The following ZNF43 variants were observed in gnomAD, a reference collection of about 807,000 sequenced individuals.
ZNF43 encodes zinc finger protein 39-like 1 (KOX 27).
A neutral mutation model predicts 68.4 loss-of-function variants in ZNF43; 44 were observed. That is an observed-to-expected ratio of 0.64 (90% CI 0.51 to 0.83). The LOEUF is 0.83. Among genes scored for constraint, ZNF43 ranks in the 40% least tolerant of loss-of-function variants. The pLI, the probability that ZNF43 is intolerant of heterozygous loss-of-function variation, is 0.00. For missense variants in ZNF43, 896 were observed against 933.2 expected (o/e 0.96, Z 0.52); for synonymous variants, 308 against 307.8 (o/e 1.00, Z -0.01).
rs1364112721 is a variant in ZNF43 at position 21,807,548 on chromosome 19, C to A, written c.*59G>T. 4.3e-6 allele frequency: 6 copies of A among 1,410,982 alleles called. No homozygotes were observed. The highest frequency in any genetic ancestry group is 1.4e-5 in the African/African-American group (1 of 69,560). 87.4% of individuals were successfully genotyped at this position (1,410,982 alleles called of 1,614,324 possible). A position where few individuals can be genotyped will look rare whatever the true frequency, so the allele number is the denominator to read the frequency against. The stretch of plus-strand genomic sequence containing the variant: ...TTATCTTACCTACAATCAAGTGTGA[C>A]AACCATGTAAAGCCTTTATCACATT... On this transcript the variant is annotated 3_prime_UTR_variant, in exon 4 of 4. Transcript: ENST00000354959.
In ZNF43 at chr19:21,809,153, A is replaced by T; in HGVS notation, c.884T>A (p.Phe295Tyr). The change falls in exon 4 of 4, where the codon TTT becomes TAT. Residue 295 changes from phenylalanine to tyrosine, a missense_variant. Coordinates refer to ENST00000354959, the MANE Select transcript of ZNF43 (RefSeq NM_003423.4). ...FYKCKECAKAFNQSSNLTEHK... is the reference protein window; with the variant it reads ...FYKCKECAKAYNQSSNLTEHK... ...TTCAGTAAGGTTTGAGGATTGGTTA[A>T]AAGCTTTGGCACATTCTTTACATTT... 6.2e-7 allele frequency: 1 copy of T among 1,613,596 alleles called. No homozygotes were observed.
chr19:21,807,781 A>T lies in ZNF43; in HGVS notation c.2256T>A (p.His752Gln). Reference protein sequence around the residue: ...AFNYSSHLNTHKRIHTKEQPY... With the variant: ...AFNYSSHLNTQKRIHTKEQPY... ...GTTGCTCTTTAGTATGAATTCTCTTATGTGTATTAAGGTGTGAGGAATAGT... is the reference window on the plus strand; with the variant it reads ...GTTGCTCTTTAGTATGAATTCTCTTTTGTGTATTAAGGTGTGAGGAATAGT... The change falls in exon 4 of 4, where the codon CAT becomes CAA. Residue 752 changes from histidine to glutamine, a missense_variant. His to Gln is a conservative substitution (Grantham distance 24, BLOSUM62 0). Transcript: ENST00000354959. The T allele has an allele frequency of 6.2e-7, 1 of 1,613,318 alleles. No individual in the cohort carries two copies. The highest frequency in any genetic ancestry group is 8.5e-7 in the Non-Finnish European group (1 of 1,179,652).
intron 3 of ZNF43, among the ~76,000 whole-genome samples, chr19:21,815,486 C>CATATATATATATATAT (rs58951070): frequency 5.8e-4 from 81 of 139,546 alleles, no homozygotes; most frequent in East Asian, 2.8e-3. Context: ...AACTAAATTA[C>CATATATATATATATAT]ATATATATAT....
At chr19:21,848,595 A>G (rs955768202) in intron 1 of ZNF43, among the ~76,000 whole-genome samples, 3 of 152,194 alleles carry the variant, frequency 2.0e-5, no homozygotes, top group South Asian at 4.1e-4. Context: ...GAGGAGAGTC[A>G]TATCACCTAG....
chr19:21,841,506 C>T (rs772036032), intron 1 of ZNF43: 4 of 152,238 alleles, frequency 2.6e-5, no homozygotes, highest in Non-Finnish European at 2.9e-5. Context: ...AGAAACACAG[C>T]ACCTGGTTGC....
At chr19:21,851,864 C>T (rs1032538188) in intron 1 of ZNF43, 14 of 1,548,154 alleles carry the variant, frequency 9.0e-6, no homozygotes, top group African/African-American at 1.4e-5. Flanking sequence ...ACTTTCACAG[C>T]CTGCTCTCCC....
At chr19:21,843,309 T>C (rs1045901543) in intron 1 of ZNF43, 2 of 934,692 alleles carry the variant, frequency 2.1e-6, no homozygotes, top group Non-Finnish European at 2.6e-6. Flanking sequence ...TGAGCAGAGG[T>C]ATGTGTCACA....
chr19:21,832,422 T>A (rs895211068), intron 1 of ZNF43, among the ~76,000 whole-genome samples: 8 of 152,134 alleles, frequency 5.3e-5, no homozygotes, highest in African/African-American at 7.2e-5. Flanking sequence ...AAATTATTTT[T>A]AAAAAAACTT....
chr19:21,817,980 G>T lies in ZNF43; in HGVS notation c.137C>A (p.Ala46Asp). The T allele has an allele frequency of 7.4e-6, 12 of 1,611,658 alleles. No homozygotes were observed. Among genetic ancestry groups the T allele is most frequent in the Non-Finnish European group, 1.0e-5 (12 of 1,178,830 alleles). The change falls in exon 3 of 4, where the codon GCT (alanine) becomes GAT (aspartate). Residue 46 changes from alanine to aspartate, a missense_variant. By Grantham distance (126) the Ala-to-Asp change is moderately radical. Transcript: ENST00000354959. ...NYRNLVFLGI[A>D]VSKPDLITCL... is the part of the protein sequence containing the mutation. ...GGTGATCAGGTCTGGCTTAGAGACAGCAATACCTGTTTCAATAAAAAATAA... is the reference window on the plus strand; with the variant it reads ...GGTGATCAGGTCTGGCTTAGAGACATCAATACCTGTTTCAATAAAAAATAA...
upstream of ZNF43, among the ~76,000 whole-genome samples, chr19:21,839,309 C>T (rs1967336525): frequency 1.4e-5 from 1 of 70,272 alleles, no homozygotes; most frequent in South Asian, 4.7e-4. Context: ...TATCACAATA[C>T]AAAATGTATG....
intron 1 of ZNF43, among the ~76,000 whole-genome samples, chr19:21,831,698 G>A (rs764800012): frequency 3.9e-5 from 6 of 152,026 alleles, no homozygotes; most frequent in Non-Finnish European, 8.8e-5. Context: ...CTTCAGCAAA[G>A]TTTTAGAATA....
chr19:21,809,568 T>A lies in ZNF43; in HGVS notation c.469A>T (p.Lys157Ter). The A allele has an allele frequency of 6.2e-7, 1 of 1,611,700 alleles. No individual in the cohort carries two copies. Among genetic ancestry groups the A allele is most frequent in the Non-Finnish European group, 8.5e-7 (1 of 1,179,128 alleles). The change falls in exon 4 of 4, where the codon AAA becomes TAA. Residue 157 changes from lysine (K) to a stop codon, truncating the protein, a stop_gained. Coordinates refer to ENST00000354959, the MANE Select transcript of ZNF43 (RefSeq NM_003423.4). LOFTEE classifies it high-confidence loss of function. ...LFDKCVKAFH[K>*]FSNSNRHKIS... ...TTATGTCTGTTTGAATTTGAAAATT[T>A]ATGAAAGGCTTTCACACATTTATCA... is the stretch of plus-strand genomic sequence containing the variant.
chr19:21,836,056 G>T lies in ZNF43; in HGVS notation c.-18C>A, dbSNP rs756220083. ...CTCACCATTTCTAGGCTTCCGGGGG[G>T]TCCTGGCGTCTTAGCTGTGGATCCC... On this transcript the variant is annotated 5_prime_UTR_variant, in exon 1 of 4. Transcript: ENST00000354959. The T allele has an allele frequency of 6.2e-7, 1 of 1,613,958 alleles. No individual in the cohort carries two copies.
Position 21,808,966 on chromosome 19 carries a change from A to C in ZNF43, c.1071T>G (p.Leu357=), listed in dbSNP as rs2037129472. The change falls in exon 4 of 4, where the codon CTT becomes CTG. Residue 357 remains leucine, a synonymous_variant. Coordinates refer to ENST00000354959, the MANE Select transcript of ZNF43 (RefSeq NM_003423.4). Reference sequence around the variant, plus strand: ...CAGTATGGATTCTCTTATGTGTAGTAAGGTTTGAGAACTGGTTAAAGGCTT... The same window carrying C: ...CAGTATGGATTCTCTTATGTGTAGTCAGGTTTGAGAACTGGTTAAAGGCTT... ...CGKAFNQFSN[L]TTHKRIHTAE... The C allele has an allele frequency of 6.2e-7, 1 of 1,613,512 alleles. No individual in the cohort carries two copies. The highest frequency in any genetic ancestry group is 1.7e-5 in the Admixed American group (1 of 59,936).
At chr19:21,817,747 G>T in intron 3 of ZNF43, 141 bp downstream of exon 3, 1 of 844,062 alleles carries the variant, frequency 1.2e-6, no homozygotes, top group Non-Finnish European at 1.9e-6. Context: ...TTGTGTGAAA[G>T]CAAAATGAAA....
upstream of ZNF43, among the ~76,000 whole-genome samples, chr19:21,838,412 T>A (rs972141228): frequency 6.6e-6 from 1 of 151,896 alleles, no homozygotes; most frequent in Non-Finnish European, 1.5e-5. Flanking sequence ...TTTTTTTTTT[T>A]TTTTGGAGAT....
chr19:21,820,397 G>C (rs2037763313), intron 1 of ZNF43, among the ~76,000 whole-genome samples: 1 of 151,010 alleles, frequency 6.6e-6, no homozygotes, highest in Non-Finnish European at 1.5e-5. Context: ...GGCCAAGATG[G>C]TGAAACCCCG....
At chr19:21,840,179 G>T (rs1281046429), upstream of ZNF43, 1 of 152,188 alleles carries the variant, frequency 6.6e-6, no homozygotes, top group Non-Finnish European at 1.5e-5. Context: ...AGGGTGTGGG[G>T]TCCAGTGATA....
rs2038721123 is a variant in ZNF43, at chr19:21,836,145, C to T, written c.-107G>A. 1 of 1,585,206 alleles carries T rather than the reference C, an allele frequency of 6.3e-7. No homozygotes were observed. The highest frequency in any genetic ancestry group is 1.1e-5 in the South Asian group (1 of 88,048). On this transcript the variant is annotated 5_prime_UTR_variant, in exon 1 of 4. Coordinates refer to ENST00000354959, the MANE Select transcript of ZNF43 (RefSeq NM_003423.4). ...TCTAGCAGCAGAGGACACAGAAGAACGAAGACGAGACGCAGAGCTCCAACT... is the reference window on the plus strand; with the variant it reads ...TCTAGCAGCAGAGGACACAGAAGAATGAAGACGAGACGCAGAGCTCCAACT...
Sources: gnomAD v4.1 joint callset for allele counts (sites outside exome capture counted in the v4.1 genomes callset) on GRCh38, gnomAD v4.1.1 for gene constraint, MANE v1.5 for transcripts, NCBI Gene and HGNC (gene_info 2026-07-23, HGNC 2026-07-21) for gene names.